Variants in PPFIA1 observed in about 807,000 individuals in gnomAD.
The protein encoded by PPFIA1 is liprin-alpha-1.
A neutral mutation model predicts 149.9 loss-of-function variants in PPFIA1; 25 were observed. That is an observed-to-expected ratio of 0.17 (90% CI 0.12 to 0.23). The LOEUF (loss-of-function observed/expected upper bound fraction) is 0.23, where lower values mean the gene tolerates loss of function less well. PPFIA1 is among the 10% of genes least tolerant of loss of function. The pLI is 1.00. For missense variants in PPFIA1, 1,362 were observed against 1,506.5 expected, an observed-to-expected ratio of 0.90 and a Z score of 1.59; for synonymous variants, 549 against 552.8, an observed-to-expected ratio of 0.99 and a Z score of 0.10.
intron 15 of PPFIA1, chr11:70,346,087 C>A: frequency 2.9e-6 from 1 of 348,586 alleles, no homozygotes; most frequent in Non-Finnish European, 5.9e-6. Flanking sequence ...GCAGAACTTA[C>A]AAAACGGGCC....
In PPFIA1 at chr11:70,318,890, G is replaced by GC. The variant is rs1171614036; in HGVS notation, c.265-5508dup. ...ATTGCTCCTAGCCTCTTTTGCTGATGCCCCTCAATGAGACTGTTGGGGGCT... is the reference window on the plus strand; with the variant it reads ...ATTGCTCCTAGCCTCTTTTGCTGATGCCCCCTCAATGAGACTGTTGGGGGCT... On this transcript the variant is annotated intron_variant, in intron 2 of 27. Coordinates refer to ENST00000253925, the MANE Select transcript of PPFIA1 (RefSeq NM_003626.5). Among the ~76,000 whole-genome samples, 3 of 152,186 alleles carry GC rather than the reference G, an allele frequency of 2.0e-5. No individual in the cohort carries two copies. The East Asian group carries it at 5.8e-4, about 29-fold the overall frequency.
chr11:70,376,930 G>A (rs528940662), intron 25 of PPFIA1, among the ~76,000 whole-genome samples: 4 of 152,048 alleles, frequency 2.6e-5, no homozygotes, highest in South Asian at 4.2e-4. Flanking sequence ...AAAATTAGCC[G>A]GGCGTTGTGG....
chr11:70,336,625 G>C (rs1339700977), intron 11 of PPFIA1, among the ~76,000 whole-genome samples: 1 of 151,912 alleles, frequency 6.6e-6, no homozygotes, highest in Non-Finnish European at 1.5e-5. Flanking sequence ...CTCTACCTTC[G>C]TTCTTTTTCA....
intron 21 of PPFIA1, chr11:70,365,540 G>T: frequency 4.7e-6 from 2 of 424,908 alleles, no homozygotes; most frequent in South Asian, 1.7e-5. Context: ...TTTCCATTCA[G>T]TCGTTCCAGA....
chr11:70,355,837 C>G (rs372722807), intron 18 of PPFIA1, 26 bp downstream of exon 18: 141 of 1,593,080 alleles, frequency 8.9e-5, no homozygotes, highest in Non-Finnish European at 1.2e-4. Flanking sequence ...GCACCCTTCT[C>G]AGCACCCAGG....
chr11:70,371,264 C>T (rs753691169), intron 21 of PPFIA1: 7 of 1,706 alleles, frequency 4.1e-3, no homozygotes, highest in African/African-American at 0.01. Flanking sequence ...ATTTCAGTCT[C>T]TTTAAGTATG....
intron 16 of PPFIA1, chr11:70,350,945 G>A (rs1210517450): frequency 1.7e-6 from 2 of 1,147,684 alleles, no homozygotes; most frequent in East Asian, 6.3e-5. Context: ...ACTTCAAAGT[G>A]TATATAGTAA....
intron 19 of PPFIA1, among the ~76,000 whole-genome samples, chr11:70,358,966 TCTC>T (rs1346017183): frequency 1.3e-5 from 2 of 152,208 alleles, no homozygotes; most frequent in South Asian, 4.1e-4. Context: ...CTTTTCATGT[TCTC>T]CTTTTTGTCT....
intron 15 of PPFIA1, chr11:70,345,896 C>T (rs993319355): frequency 3.5e-5 from 12 of 338,916 alleles, no homozygotes; most frequent in Non-Finnish European, 6.1e-5. Flanking sequence ...GTTCAGGTCC[C>T]GTCACACAGT....
intron 8 of PPFIA1, 23 bp downstream of exon 8, chr11:70,330,342 G>A (rs768504212): frequency 1.3e-6 from 2 of 1,540,476 alleles, no homozygotes; most frequent in Admixed American, 2.3e-5. Context: ...ATCGACCTTT[G>A]TCTGGCTTTA....
intron 21 of PPFIA1, chr11:70,365,442 C>T (rs1044184066): frequency 1.8e-5 from 8 of 456,708 alleles, no homozygotes; most frequent in Admixed American, 4.7e-5. Context: ...AACGGTTAGT[C>T]ACGCCCCACA....
chr11:70,271,411 C>G (rs1432646111), intron 1 of PPFIA1: 1 of 152,306 alleles, frequency 6.6e-6, no homozygotes, highest in Non-Finnish European at 1.5e-5. Flanking sequence ...TTCCCTGGCG[C>G]TGTCTTTATA....
chr11:70,290,046 T>C (rs1208387526), intron 2 of PPFIA1, among the ~76,000 whole-genome samples: 2 of 152,068 alleles, frequency 1.3e-5, no homozygotes, highest in Non-Finnish European at 2.9e-5. Flanking sequence ...CTGGGCAACA[T>C]GGTGAAACCC....
At chr11:70,337,249 GCT>G (rs1397738863) in intron 11 of PPFIA1, 114 bp from the exon 12 acceptor site, 1 of 639,664 alleles carries the variant, frequency 1.6e-6, no homozygotes. Context: ...TTGCTGGTGT[GCT>G]CTTTTACTCC....
At chr11:70,296,079 C>T (rs1015344449) in intron 2 of PPFIA1, among the ~76,000 whole-genome samples, 27 of 148,670 alleles carry the variant, frequency 1.8e-4, no homozygotes, top group Admixed American at 4.7e-4. Flanking sequence ...ACATCTCAGA[C>T]GATGGGCGGC....
intron 21 of PPFIA1, among the ~76,000 whole-genome samples, chr11:70,363,885 C>T (rs1166598515): frequency 6.6e-6 from 1 of 151,932 alleles, no homozygotes; most frequent in Non-Finnish European, 1.5e-5. Context: ...AAACTGATCC[C>T]TAAGGAATTT....
chr11:70,292,770 G>C (rs1313392792), intron 2 of PPFIA1, among the ~76,000 whole-genome samples: 2 of 152,176 alleles, frequency 1.3e-5, no homozygotes, highest in Non-Finnish European at 2.9e-5. Flanking sequence ...GGATCCCATA[G>C]ATATTACATG....
intron 2 of PPFIA1, among the ~76,000 whole-genome samples, chr11:70,287,162 C>T (rs1339546937): frequency 6.6e-6 from 1 of 151,900 alleles, no homozygotes; most frequent in Non-Finnish European, 1.5e-5. Flanking sequence ...CAAGATCTTT[C>T]TAAAATGCAT....
At chr11:70,346,163 C>T (rs1276769383) in intron 15 of PPFIA1, among the ~76,000 whole-genome samples, 1 of 152,270 alleles carries the variant, frequency 6.6e-6, no homozygotes, top group East Asian at 1.9e-4. Context: ...CCTGCCCACG[C>T]TGGCTTGGCC....
Sources: allele counts gnomAD v4.1 joint callset (sites outside exome capture counted in the v4.1 genomes callset), GRCh38; gene constraint gnomAD v4.1.1; transcripts MANE v1.5; gene names NCBI Gene and HGNC (gene_info 2026-07-23, HGNC 2026-07-21).